The following CHN2 variants were observed in gnomAD, a reference collection of about 807,000 sequenced individuals.
CHN2 encodes the protein chimerin 2, also known as beta-chimaerin.
Under a neutral mutation model 56.3 loss-of-function variants are expected in CHN2, and 35 were observed. The ratio of observed to expected loss-of-function variants is 0.62; its 90% CI spans 0.47 to 0.82. CHN2 has a LOEUF of 0.82. Among genes scored for constraint, CHN2 ranks in the 40% least tolerant of loss-of-function variants. The pLI, the probability that CHN2 is intolerant of heterozygous loss-of-function variation, is 0.00. For synonymous variants in CHN2, 210 were observed against 212.8 expected (o/e 0.99, Z 0.12); for missense variants, 491 against 580.5 (o/e 0.85, Z 1.58).
intron 6 of CHN2, among the ~76,000 whole-genome samples, chr7:29,420,883 C>T (rs1179021043): frequency 1.3e-5 from 2 of 150,798 alleles, no homozygotes; most frequent in Non-Finnish European, 2.9e-5. Flanking sequence ...CATCTTGGCT[C>T]ACTGCAACCC....
intron 1 of CHN2, among the ~76,000 whole-genome samples, chr7:29,213,539 A>T (rs1287910041): frequency 4.6e-5 from 7 of 152,234 alleles, no homozygotes; most frequent in Admixed American, 2.0e-4. Context: ...TTTAGAATCT[A>T]ACCTCAAGAA....
intron 12 of CHN2, among the ~76,000 whole-genome samples, chr7:29,510,303 G>A (rs62457829): frequency 6.6e-6 from 1 of 152,068 alleles, no homozygotes; most frequent in Non-Finnish European, 1.5e-5. Context: ...TTATCTGAAG[G>A]CTTGATGGGT....
chr7:29,462,467 G>A (rs538501070), intron 6 of CHN2, among the ~76,000 whole-genome samples: 18 of 152,280 alleles, frequency 1.2e-4, no homozygotes, highest in Admixed American at 5.2e-4. Context: ...AAAGTCTTGA[G>A]GGGAACTCAA....
chr7:29,305,923 C>T (rs17150643), intron 1 of CHN2, among the ~76,000 whole-genome samples: 4,454 of 151,514 alleles, frequency 0.029, 218 homozygotes, highest in African/African-American at 0.1. Context: ...AACTTAGACA[C>T]ATGCTTACTT....
chr7:29,253,706 A>G (rs997046844), intron 1 of CHN2, among the ~76,000 whole-genome samples: 1 of 152,206 alleles, frequency 6.6e-6, no homozygotes, highest in African/African-American at 2.4e-5. Flanking sequence ...AGAGTCAACT[A>G]TGTGAATTTA....
At chr7:29,194,060 G>C (rs1783242464), upstream of CHN2, 1 of 152,296 alleles carries the variant, frequency 6.6e-6, no homozygotes, top group Non-Finnish European at 1.5e-5. Context: ...TAGTGGCTCT[G>C]TCATCCCAGG....
intron 3 of CHN2, among the ~76,000 whole-genome samples, chr7:29,388,795 T>C (rs762715111): frequency 3.3e-5 from 5 of 152,186 alleles, no homozygotes; most frequent in Admixed American, 1.3e-4. Flanking sequence ...GATGAGACCA[T>C]TGGGCTGAAA....
chr7:29,326,009 A>C (rs1795770239), intron 1 of CHN2, among the ~76,000 whole-genome samples: 1 of 152,230 alleles, frequency 6.6e-6, no homozygotes, highest in African/African-American at 2.4e-5. Flanking sequence ...GGTCATTCCC[A>C]GCATGTGATT....
chr7:29,436,572 A>G (rs2391759), intron 6 of CHN2, among the ~76,000 whole-genome samples: 72,432 of 151,946 alleles, frequency 0.48, 19,007 homozygotes, highest in African/African-American at 0.7. Context: ...CTAAAGAGAG[A>G]CAGCCCTGCC....
intron 1 of CHN2, among the ~76,000 whole-genome samples, chr7:29,343,964 T>C (rs1001580113): frequency 5.9e-5 from 9 of 152,138 alleles, no homozygotes; most frequent in African/African-American, 2.2e-4. Context: ...CAGGCCTGCT[T>C]CTCCCCTGGT....
chr7:29,146,708 TA>T lies in CHN2; in HGVS notation c.130del (p.Ile44LeufsTer32). ...AGCAAGCAGCCCCAGGGTGGAATCTTAAAAATTAATGAAGAGCATCGGCGGG... is the reference window on the plus strand; with the variant it reads ...AGCAAGCAGCCCCAGGGTGGAATCTTAAAATTAATGAAGAGCATCGGCGGG... On this transcript the variant is annotated frameshift_variant, in exon 1 of 7. Transcript: ENST00000439384. LOFTEE classifies it high-confidence loss of function. 1 of 1,550,604 alleles carries T rather than the reference TA, an allele frequency of 6.4e-7. No individual in the cohort carries two copies. Among genetic ancestry groups the T allele is most frequent in the Non-Finnish European group, 8.7e-7 (1 of 1,146,996 alleles).
intron 8 of CHN2, among the ~76,000 whole-genome samples, chr7:29,498,223 C>T (rs1440888512): frequency 6.6e-6 from 1 of 152,124 alleles, no homozygotes; most frequent in Non-Finnish European, 1.5e-5. Context: ...ATATTTCAGA[C>T]ACTATGCTAA....
chr7:29,197,962 T>G, intron 1 of CHN2: 1 of 456,250 alleles, frequency 2.2e-6, no homozygotes, highest in Non-Finnish European at 4.4e-6. Flanking sequence ...AGAGAAGAGC[T>G]TAGGTAAAGG....
At chr7:29,268,662 T>C (rs1179189185) in intron 1 of CHN2, among the ~76,000 whole-genome samples, 1 of 152,200 alleles carries the variant, frequency 6.6e-6, no homozygotes, top group African/African-American at 2.4e-5. Flanking sequence ...CTGTGCTAAA[T>C]GGAGCTGGAG....
chr7:29,214,715 A>G (rs539180925), intron 1 of CHN2, among the ~76,000 whole-genome samples: 4 of 152,328 alleles, frequency 2.6e-5, no homozygotes, highest in African/African-American at 9.6e-5. Context: ...ACTTGAATAT[A>G]TGTTATGTAA....
intron 6 of CHN2, chr7:29,479,912 A>G (rs1786955960): frequency 2.1e-6 from 3 of 1,430,666 alleles, no homozygotes; most frequent in Middle Eastern, 2.6e-4. Context: ...AGCACAAAAC[A>G]GGCCCATCCT....
intron 2 of CHN2, among the ~76,000 whole-genome samples, chr7:29,175,185 T>A (rs1262593420): frequency 1.3e-5 from 2 of 151,900 alleles, no homozygotes; most frequent in East Asian, 3.9e-4. Flanking sequence ...TTTCCTTTTT[T>A]TTTTTTTGAG....
rs572028300 is a variant in CHN2 at position 29,352,492 on chromosome 7, C to T, written c.50-2133C>T. Among the ~76,000 whole-genome samples the T allele has an allele frequency of 4.6e-5, 7 of 152,104 alleles. No individual in the cohort carries two copies. In the East Asian group the frequency reaches 9.7e-4, roughly 21 times the overall value. On this transcript the variant is annotated intron_variant, in intron 1 of 12. Transcript: ENST00000222792. Reference sequence around the variant, plus strand: ...ATCCCAGCACTTTGAGAGGCTGAGGCGGGTGGATCACTTGAGGTCAGGAAT... The same window carrying T: ...ATCCCAGCACTTTGAGAGGCTGAGGTGGGTGGATCACTTGAGGTCAGGAAT...
chr7:29,300,977 TTGAA>T (rs1161752394), intron 1 of CHN2, among the ~76,000 whole-genome samples: 5 of 151,788 alleles, frequency 3.3e-5, no homozygotes, highest in African/African-American at 1.2e-4. Flanking sequence ...TTCTCAGAAA[TTGAA>T]TGAGTATCTT....
Sources: allele counts gnomAD v4.1 joint callset (sites outside exome capture counted in the v4.1 genomes callset), GRCh38; gene constraint gnomAD v4.1.1; transcripts MANE v1.5; gene names NCBI Gene and HGNC (gene_info 2026-07-23, HGNC 2026-07-21).